The following COBL variants were observed in gnomAD, a reference collection of about 807,000 sequenced individuals.
The protein encoded by COBL is protein cordon-bleu.
COBL carries 51 observed loss-of-function variants against 98.8 expected under a neutral mutation model. The ratio of observed to expected loss-of-function variants is 0.52; its 90% CI spans 0.41 to 0.65. COBL has a LOEUF of 0.65. COBL is among the 30% of genes least tolerant of loss of function. The pLI, the probability that COBL is intolerant of heterozygous loss-of-function variation, is 0.00. For missense variants in COBL, 1,617 were observed against 1,617.5 expected (o/e 1.00, Z 0.01); for synonymous variants, 634 against 651.7 (o/e 0.97, Z 0.41).
intron 4 of COBL, among the ~76,000 whole-genome samples, chr7:51,185,024 G>T (rs998148744): frequency 6.6e-4 from 101 of 152,236 alleles, no homozygotes; most frequent in African/African-American, 2.3e-3. Context: ...TTCTCTAGGG[G>T]AGCAATTGTT....
chr7:51,096,117 C>T (rs1159239099), intron 6 of COBL, among the ~76,000 whole-genome samples: 4 of 152,004 alleles, frequency 2.6e-5, no homozygotes, highest in African/African-American at 4.8e-5. Context: ...TTTAAAGCCA[C>T]AAAAGAAGTC....
chr7:51,050,538 C>A (rs1790131338), intron 7 of COBL, among the ~76,000 whole-genome samples: 1 of 152,186 alleles, frequency 6.6e-6, no homozygotes, highest in South Asian at 2.1e-4. Flanking sequence ...AATGTTATAT[C>A]CAAAGATGAG....
chr7:51,135,025 T>TCAC (rs1245817859), intron 6 of COBL, among the ~76,000 whole-genome samples: 7 of 152,190 alleles, frequency 4.6e-5, no homozygotes, highest in Non-Finnish European at 1.0e-4. Context: ...TGCAGTGGCG[T>TCAC]GATCTTGGCT....
At chr7:51,068,816 A>G (rs1451318684) in intron 7 of COBL, among the ~76,000 whole-genome samples, 2 of 152,236 alleles carry the variant, frequency 1.3e-5, no homozygotes, top group African/African-American at 4.8e-5. Context: ...TCACTTTGCA[A>G]TATTAAATGG....
chr7:51,104,657 C>T (rs1375114749), intron 6 of COBL, among the ~76,000 whole-genome samples: 2 of 147,942 alleles, frequency 1.4e-5, no homozygotes, highest in African/African-American at 5.3e-5. Context: ...CTCCCCTAAC[C>T]AACAGTCGGC....
intron 1 of COBL, among the ~76,000 whole-genome samples, chr7:51,280,176 T>G (rs1444301955): frequency 6.6e-6 from 1 of 152,154 alleles, no homozygotes; most frequent in Non-Finnish European, 1.5e-5. Context: ...TTTAACATTT[T>G]TTTTTTCCCA....
At chr7:51,213,624 G>A (rs559575900) in intron 2 of COBL, among the ~76,000 whole-genome samples, 2 of 152,270 alleles carry the variant, frequency 1.3e-5, no homozygotes, top group South Asian at 4.1e-4. Context: ...CCCAGAACCA[G>A]GGAAGTCTAG....
At chr7:51,194,457 T>C (rs1790409283) in intron 2 of COBL, among the ~76,000 whole-genome samples, 1 of 152,220 alleles carries the variant, frequency 6.6e-6, no homozygotes, top group South Asian at 2.1e-4. Flanking sequence ...ATGATTTATA[T>C]TCCTTTGGGT....
chr7:51,201,439 C>T (rs1584148829), intron 2 of COBL, among the ~76,000 whole-genome samples: 1 of 151,900 alleles, frequency 6.6e-6, no homozygotes, highest in Non-Finnish European at 1.5e-5. Flanking sequence ...CATGAAAGCA[C>T]CTAAATATGT....
At chr7:51,316,003 A>T (rs1302355169) in intron 1 of COBL, among the ~76,000 whole-genome samples, 1 of 152,224 alleles carries the variant, frequency 6.6e-6, no homozygotes, top group African/African-American at 2.4e-5. Flanking sequence ...GAATAAAGGC[A>T]GGGAGGGAGA....
chr7:51,131,037 T>A (rs905236347), intron 6 of COBL, among the ~76,000 whole-genome samples: 1 of 152,208 alleles, frequency 6.6e-6, no homozygotes, highest in Non-Finnish European at 1.5e-5. Context: ...GAAAAGTCTA[T>A]TTTGGGTTAT....
chr7:51,295,397 G>A (rs1273440028), intron 1 of COBL, among the ~76,000 whole-genome samples: 2 of 151,364 alleles, frequency 1.3e-5, no homozygotes, highest in Non-Finnish European at 2.9e-5. Context: ...CCAGAAATTA[G>A]GGCAAAAAAA....
At chr7:51,297,484 C>T (rs554056311) in intron 1 of COBL, among the ~76,000 whole-genome samples, 8 of 151,408 alleles carry the variant, frequency 5.3e-5, no homozygotes, top group East Asian at 2.0e-4. Context: ...CTCCGTCTCC[C>T]GGGTTCAAGC....
At chr7:51,286,201 C>T (rs527388867) in intron 1 of COBL, among the ~76,000 whole-genome samples, 1 of 150,772 alleles carries the variant, frequency 6.6e-6, no homozygotes, top group African/African-American at 2.4e-5. Context: ...GCAAGAGTTC[C>T]TAGATATGGT....
intron 1 of COBL, among the ~76,000 whole-genome samples, chr7:51,248,381 G>A (rs1796446365): frequency 6.6e-6 from 1 of 152,082 alleles, no homozygotes; most frequent in African/African-American, 2.4e-5. Context: ...CCGACCATGG[G>A]CTTTGCAGTT....
intron 1 of COBL, among the ~76,000 whole-genome samples, chr7:51,307,190 C>CA (rs1391767229): frequency 6.6e-6 from 1 of 150,892 alleles, no homozygotes; most frequent in Non-Finnish European, 1.5e-5. Context: ...ACTAAAAATA[C>CA]AAAAAAAAAT....
intron 1 of COBL, among the ~76,000 whole-genome samples, chr7:51,263,568 G>C (rs1273343335): frequency 6.6e-6 from 1 of 151,992 alleles, no homozygotes; most frequent in East Asian, 1.9e-4. Context: ...GTGGGTGGAG[G>C]TCCCCACTTT....
chr7:51,176,204 G>C (rs539897253), intron 5 of COBL, among the ~76,000 whole-genome samples: 5 of 152,202 alleles, frequency 3.3e-5, no homozygotes, highest in African/African-American at 9.6e-5. Flanking sequence ...CATAACCTTG[G>C]TTAAGTCGTG....
chr7:51,281,076 T>G (rs931135157), intron 1 of COBL, among the ~76,000 whole-genome samples: 3 of 151,534 alleles, frequency 2.0e-5, no homozygotes, highest in African/African-American at 7.3e-5. Flanking sequence ...CAAGAACGCT[T>G]GAAATGAATG....
Sources: allele counts gnomAD v4.1 joint callset (sites outside exome capture counted in the v4.1 genomes callset), GRCh38; gene constraint gnomAD v4.1.1; transcripts MANE v1.5; gene names NCBI Gene and HGNC (gene_info 2026-07-23, HGNC 2026-07-21).